The following PPP1R1C variants were observed in gnomAD, a reference collection of about 807,000 sequenced individuals.
The protein encoded by PPP1R1C is protein phosphatase 1 regulatory inhibitor subunit 1C.
A neutral mutation model predicts 17.4 loss-of-function variants in PPP1R1C; 15 were observed. The ratio of observed to expected loss-of-function variants is 0.86; its 90% CI spans 0.58 to 1.33. The LOEUF is 1.33. PPP1R1C is among the 40% of genes most tolerant of loss of function. PPP1R1C has a pLI of 0.00. For missense variants in PPP1R1C, 143 were observed against 130.0 expected (o/e 1.10, Z -0.48); for synonymous variants, 35 against 43.1 (o/e 0.81, Z 0.73).
At chr2:181,974,734 C>T (rs1427931849) in intron 1 of PPP1R1C, among the ~76,000 whole-genome samples, 2 of 152,182 alleles carry the variant, frequency 1.3e-5, no homozygotes, top group African/African-American at 2.4e-5. Context: ...GGAAGACACC[C>T]TTTGCCTGAG....
chr2:181,959,339 T>A (rs1684726238), intron 1 of PPP1R1C, among the ~76,000 whole-genome samples: 1 of 152,228 alleles, frequency 6.6e-6, no homozygotes, highest in South Asian at 2.1e-4. Context: ...ATTTATTTAC[T>A]CAACTGATAA....
chr2:182,059,294 T>G (rs1687778773), intron 2 of PPP1R1C, among the ~76,000 whole-genome samples: 1 of 152,092 alleles, frequency 6.6e-6, no homozygotes, highest in South Asian at 2.1e-4. Flanking sequence ...TTCAGAAAAT[T>G]TATAGTTTTT....
At chr2:181,993,908 A>C (rs548146518) in intron 2 of PPP1R1C, among the ~76,000 whole-genome samples, 3 of 152,260 alleles carry the variant, frequency 2.0e-5, no homozygotes, top group Admixed American at 2.0e-4. Context: ...ATGAAAAAAA[A>C]ATGAAAGGGA....
intron 2 of PPP1R1C, among the ~76,000 whole-genome samples, chr2:182,010,688 C>G (rs541184918): frequency 6.6e-6 from 1 of 152,078 alleles, no homozygotes; most frequent in South Asian, 2.1e-4. Context: ...AGTGGTCGGC[C>G]TTATTGTGTT....
rs1648969059 is a variant in PPP1R1C, at chr2:181,962,561, A to G, written n.111+7927A>G. On this transcript the variant is annotated intron_variant and non_coding_transcript_variant, in intron 1 of 5. Coordinates refer to the PPP1R1C transcript ENST00000464264. This position sits in a 1 kb window ranked among gnomAD's most constrained non-coding sequence, Gnocchi z 6.0. ...AGTTTTCTAAGGAACCTGCAGAGAA[A>G]CATCAAGCTCAGATCGAACAAAGCA... is the stretch of plus-strand genomic sequence containing the variant. The G allele has an allele frequency of 2.3e-5, 13 of 558,926 alleles. No individual in the cohort carries two copies. The highest frequency in any genetic ancestry group is 1.7e-4 in the South Asian group (9 of 51,898). The allele number at this position is 558,926 out of a possible 1,614,324, so 34.6% of individuals were successfully genotyped here. A position where few individuals can be genotyped will look rare whatever the true frequency, so the allele number is the denominator to read the frequency against.
chr2:182,047,855 T>C (rs1687391255), intron 2 of PPP1R1C, among the ~76,000 whole-genome samples: 1 of 152,196 alleles, frequency 6.6e-6, no homozygotes, highest in Non-Finnish European at 1.5e-5. Flanking sequence ...AGAAAGGTAG[T>C]TTGGAAGATT....
intron 1 of PPP1R1C, among the ~76,000 whole-genome samples, chr2:181,960,371 A>G (rs1057491802): frequency 6.6e-5 from 10 of 152,254 alleles, no homozygotes; most frequent in African/African-American, 1.9e-4. Context: ...ATCTGGAGGC[A>G]CTGTGAGATC....
intron 2 of PPP1R1C, among the ~76,000 whole-genome samples, chr2:182,008,323 A>G (rs1322170472): frequency 6.6e-6 from 1 of 152,132 alleles, no homozygotes; most frequent in Non-Finnish European, 1.5e-5. Context: ...TTTTAAAATA[A>G]TGTTTTTATT....
chr2:182,076,135 C>G (rs1182897451), intron 4 of PPP1R1C, among the ~76,000 whole-genome samples: 1 of 137,708 alleles, frequency 7.3e-6, no homozygotes, highest in Non-Finnish European at 1.5e-5. Context: ...TCTTTTAGAA[C>G]AGTTCTTAAT....
At chr2:181,960,669 GT>G (rs1373182975) in intron 1 of PPP1R1C, among the ~76,000 whole-genome samples, 1 of 152,170 alleles carries the variant, frequency 6.6e-6, no homozygotes, top group Admixed American at 6.5e-5. Flanking sequence ...GGGCCCTTGT[GT>G]TTTTTGATGT....
intron 2 of PPP1R1C, among the ~76,000 whole-genome samples, chr2:182,007,607 G>C (rs2125153071): frequency 6.6e-6 from 1 of 152,272 alleles, no homozygotes; most frequent in Non-Finnish European, 1.5e-5. Flanking sequence ...CACTAACCAA[G>C]TAACCTTAGT....
chr2:182,019,607 T>C (rs936275810), intron 2 of PPP1R1C, among the ~76,000 whole-genome samples: 37 of 152,332 alleles, frequency 2.4e-4, no homozygotes, highest in Middle Eastern at 3.4e-3. Context: ...CATTCAGTTT[T>C]TACTTATAGC....
intron 2 of PPP1R1C, among the ~76,000 whole-genome samples, chr2:182,020,650 A>T (rs1217038063): frequency 6.6e-6 from 1 of 152,220 alleles, no homozygotes; most frequent in African/African-American, 2.4e-5. Flanking sequence ...TTAAAGTCCT[A>T]TCCTTTCTGG....
At chr2:181,960,883 G>A (rs985313812) in intron 1 of PPP1R1C, among the ~76,000 whole-genome samples, 3 of 152,132 alleles carry the variant, frequency 2.0e-5, no homozygotes, top group South Asian at 4.1e-4. Flanking sequence ...TTCTGTGCCC[G>A]TATGAATTAC....
At chr2:181,966,813 T>C (rs1225343548) in intron 1 of PPP1R1C, among the ~76,000 whole-genome samples, 1 of 152,224 alleles carries the variant, frequency 6.6e-6, no homozygotes, top group Non-Finnish European at 1.5e-5. Flanking sequence ...TAATAATACT[T>C]GCCTCATAGA....
At chr2:182,047,300 A>C (rs1687376700) in intron 2 of PPP1R1C, among the ~76,000 whole-genome samples, 1 of 152,220 alleles carries the variant, frequency 6.6e-6, no homozygotes, top group Non-Finnish European at 1.5e-5. Flanking sequence ...ATTTAAAGGA[A>C]TCTATAGATC....
At chr2:181,958,349 A>G (rs1342348532) in intron 1 of PPP1R1C, among the ~76,000 whole-genome samples, 1 of 152,182 alleles carries the variant, frequency 6.6e-6, no homozygotes, top group Admixed American at 6.5e-5. Flanking sequence ...ACTTCCTGCT[A>G]TAAGTATGGC....
intron 2 of PPP1R1C, among the ~76,000 whole-genome samples, chr2:182,025,254 T>A (rs1401352743): frequency 6.8e-6 from 1 of 146,758 alleles, no homozygotes; most frequent in Non-Finnish European, 1.5e-5. Flanking sequence ...CATGTGCACA[T>A]TGTGCAGGTT....
At chr2:181,970,391 C>A (rs534865907) in intron 1 of PPP1R1C, among the ~76,000 whole-genome samples, 1 of 152,284 alleles carries the variant, frequency 6.6e-6, no homozygotes, top group East Asian at 1.9e-4. Context: ...AATCTTCCAC[C>A]CTCATAGAGG....
Sources: allele counts gnomAD v4.1 joint callset (sites outside exome capture counted in the v4.1 genomes callset), GRCh38; gene constraint gnomAD v4.1.1; non-coding constraint Gnocchi (gnomAD v3.1); transcripts MANE v1.5; gene names NCBI Gene and HGNC (gene_info 2026-07-23, HGNC 2026-07-21).